Variants in DENND2B observed in about 807,000 individuals in gnomAD.
The protein encoded by DENND2B is DENN domain-containing protein 2B.
DENND2B carries 32 observed loss-of-function variants against 116.0 expected under a neutral mutation model. The observed-to-expected ratio is 0.28, with a 90% CI of 0.21 to 0.37. DENND2B has a LOEUF of 0.37. DENND2B is among the 10% of genes least tolerant of loss of function. The pLI, the probability that DENND2B is intolerant of heterozygous loss-of-function variation, is 1.00. For synonymous variants in DENND2B, 588 were observed against 583.9 expected (o/e 1.01, Z -0.10); for missense variants, 1,276 against 1,477.7 (o/e 0.86, Z 2.24).
intron 2 of DENND2B, among the ~76,000 whole-genome samples, chr11:8,737,336 T>C (rs1304233011): frequency 6.6e-6 from 1 of 151,968 alleles, no homozygotes; most frequent in Non-Finnish European, 1.5e-5. Flanking sequence ...AGAAGAGGAT[T>C]TAGTGAGAAA....
chr11:8,859,889 T>C (rs920758096), intron 2 of DENND2B, among the ~76,000 whole-genome samples: 4 of 151,244 alleles, frequency 2.6e-5, no homozygotes, highest in Non-Finnish European at 5.9e-5. Context: ...TTCTGTCTCT[T>C]CTTTCCTGGA....
At chr11:8,884,709 G>A (rs2063942097) in intron 1 of DENND2B, among the ~76,000 whole-genome samples, 1 of 152,060 alleles carries the variant, frequency 6.6e-6, no homozygotes, top group Non-Finnish European at 1.5e-5. Flanking sequence ...TTCATGCATG[G>A]TACCAATGAT....
At position 8,802,528 on chromosome 11, in the gene DENND2B, T is replaced by G. The variant is rs969458621; in HGVS notation, c.-26+7989A>C. On this transcript the variant is annotated intron_variant, in intron 1 of 19. Coordinates refer to ENST00000313726, the MANE Select transcript of DENND2B (RefSeq NM_213618.2). ...AACTTGTCCAAGGTTACAGAGCTAT[T>G]AGGTGGCAGAGGCAGAATTTGAACC... Among the ~76,000 whole-genome samples, 3 of 152,108 alleles carry G rather than the reference T, an allele frequency of 2.0e-5. No homozygotes were observed. In the East Asian group the frequency reaches 5.8e-4, roughly 29 times the overall value.
At chr11:8,804,349 G>A (rs1415405646) in intron 1 of DENND2B, among the ~76,000 whole-genome samples, 3 of 141,408 alleles carry the variant, frequency 2.1e-5, no homozygotes, top group Non-Finnish European at 4.7e-5. Context: ...CATTCTGCCT[G>A]ATGCAGCAGC....
chr11:8,827,937 T>A (rs2062041593), intron 4 of DENND2B, among the ~76,000 whole-genome samples: 1 of 152,188 alleles, frequency 6.6e-6, no homozygotes. Context: ...CATTTCCTCC[T>A]TAAATCCCTA....
rs555073653 is a variant in DENND2B at position 8,718,681 on chromosome 11, G to A, written c.1478-789C>T. 8 of 1,212,528 alleles carry A rather than the reference G, an allele frequency of 6.6e-6. No individual in the cohort carries two copies. The Admixed American group carries it at 2.4e-4, about 36-fold the overall frequency. 75.1% of individuals were successfully genotyped at this position (1,212,528 alleles called of 1,614,324 possible). ...AGGCTTGGAAGGAGTCTGGGCCAAA[G>A]GGTGGGGGTGAGGGGAGTTCTTGCT... On this transcript the variant is annotated intron_variant, in intron 4 of 19. Transcript: ENST00000313726.
intron 4 of DENND2B, among the ~76,000 whole-genome samples, chr11:8,838,229 G>T (rs2062503261): frequency 6.6e-6 from 1 of 152,140 alleles, no homozygotes; most frequent in African/African-American, 2.4e-5. Flanking sequence ...GGATCTCCCA[G>T]GCTTACTCTT....
intron 1 of DENND2B, chr11:8,774,385 G>A (rs2057343867): frequency 3.2e-6 from 3 of 936,998 alleles, no homozygotes; most frequent in Non-Finnish European, 3.8e-6. Context: ...TCTCCTTCCT[G>A]CTTTCCCTTC....
chr11:8,764,942 CAAAAAAAA>C (rs35421038), intron 1 of DENND2B, among the ~76,000 whole-genome samples: 28,416 of 101,314 alleles, frequency 0.28, 3,011 homozygotes, highest in South Asian at 0.43. Context: ...GAGACTGTCT[CAAAAAAAA>C]AAAAAAAAAA....
At chr11:8,796,138 A>G (rs1190828772) in intron 1 of DENND2B, among the ~76,000 whole-genome samples, 1 of 152,184 alleles carries the variant, frequency 6.6e-6, no homozygotes, top group Admixed American at 6.5e-5. Context: ...CTGACCACAG[A>G]TCTCATGAAC....
chr11:8,776,142 GCGCGCA>G (rs778964554), intron 1 of DENND2B: 11 of 154,338 alleles, frequency 7.1e-5, no homozygotes, highest in African/African-American at 3.3e-4. Flanking sequence ...ACACGCACGT[GCGCGCA>G]CGCGCGCGCG....
chr11:8,695,315 C>G, intron 19 of DENND2B, 148 bp downstream of exon 19: 1 of 747,166 alleles, frequency 1.3e-6, no homozygotes, highest in Non-Finnish European at 2.3e-6. Context: ...TGAGAACCTT[C>G]TAGTCACTAT....
At position 8,711,250 on chromosome 11, in the gene DENND2B, CAGG is replaced by C. The variant is rs1021773976; in HGVS notation, c.2173-22_2173-20del. 3.1e-6 allele frequency: 5 copies of C among 1,610,926 alleles called. No homozygotes were observed. Among genetic ancestry groups the C allele is most frequent in the Non-Finnish European group, 4.2e-6 (5 of 1,178,322 alleles). On this transcript the variant is annotated intron_variant, in intron 9 of 19. Coordinates refer to ENST00000313726, the MANE Select transcript of DENND2B (RefSeq NM_213618.2). Reference sequence around the variant, plus strand: ...GGTCCAGCTGCAGGGAAGAAGGAACCAGGAGATGACATGGAACCTGAGGGCGGG... The same window carrying C: ...GGTCCAGCTGCAGGGAAGAAGGAACCAGATGACATGGAACCTGAGGGCGGG...
intron 8 of DENND2B, among the ~76,000 whole-genome samples, chr11:8,713,464 C>T (rs2044142447): frequency 6.6e-6 from 1 of 152,112 alleles, no homozygotes. Flanking sequence ...ACTACAACCT[C>T]CGCCTCCCGG....
chr11:8,859,393 C>T (rs1385497623), intron 2 of DENND2B, among the ~76,000 whole-genome samples: 1 of 152,074 alleles, frequency 6.6e-6, no homozygotes, highest in Non-Finnish European at 1.5e-5. Context: ...CTGCAAGCTC[C>T]GCCTCCCGGG....
In DENND2B at chr11:8,826,061, G is replaced by A. The variant is rs188469630; in HGVS notation, c.-115+13249C>T. Among the ~76,000 whole-genome samples, 218 of 152,268 alleles carry A rather than the reference G, an allele frequency of 1.4e-3. 2 individuals are homozygous for A. Among genetic ancestry groups the A allele is most frequent in the Non-Finnish European group, 6.9e-4 (47 of 68,014 alleles). On this transcript the variant is annotated intron_variant, in intron 4 of 6. Coordinates refer to the DENND2B transcript ENST00000524757. ...GCCCCTTAAACTGAGAAGATAACAC[G>A]TCTGATTCATGAGGTTGTAAGTTCT...
chr11:8,726,053 C>T lies in DENND2B; in HGVS notation c.1477+20G>A. On this transcript the variant is annotated intron_variant, in intron 4 of 19. Coordinates refer to ENST00000313726, the MANE Select transcript of DENND2B (RefSeq NM_213618.2). ...GCAGCCCCCTGAGATGACCCAGGTG[C>T]CACCTCTGCCATTGCTTACCCACAA... is the stretch of plus-strand genomic sequence containing the variant. The T allele has an allele frequency of 1.2e-6, 2 of 1,613,682 alleles. No individual in the cohort carries two copies. Among genetic ancestry groups the T allele is most frequent in the African/African-American group, 1.3e-5 (1 of 75,038 alleles).
At chr11:8,781,059 A>C (rs2058322478) in intron 1 of DENND2B, among the ~76,000 whole-genome samples, 1 of 152,162 alleles carries the variant, frequency 6.6e-6, no homozygotes, top group Admixed American at 6.5e-5. Context: ...CCTAAAAGTG[A>C]AACTGCTCCA....
At chr11:8,757,934 A>C (rs1295178608) in intron 1 of DENND2B, among the ~76,000 whole-genome samples, 1 of 152,222 alleles carries the variant, frequency 6.6e-6, no homozygotes, top group Non-Finnish European at 1.5e-5. Flanking sequence ...ATTCAGAGAA[A>C]TTAAATGACT....
Sources: gnomAD v4.1 joint callset for allele counts (sites outside exome capture counted in the v4.1 genomes callset) on GRCh38, gnomAD v4.1.1 for gene constraint, MANE v1.5 for transcripts, NCBI Gene and HGNC (gene_info 2026-07-23, HGNC 2026-07-21) for gene names.